Variants in VTA1 observed in about 807,000 individuals in gnomAD.
VTA1 encodes the protein vacuolar protein sorting-associated protein VTA1 homolog.
A neutral mutation model predicts 36.9 loss-of-function variants in VTA1; 24 were observed. The observed-to-expected ratio is 0.65, with a 90% confidence interval of 0.47 to 0.91. The LOEUF is 0.91. Among genes scored for constraint, VTA1 ranks in the 40% least tolerant of loss-of-function variants. The pLI is 0.00. For synonymous variants in VTA1, 142 were observed against 130.2 expected (o/e 1.09, Z -0.62); for missense variants, 393 against 377.2 (o/e 1.04, Z -0.35).
chr6:142,223,149 A>G lies in VTA1; in HGVS notation c.*4506A>G, dbSNP rs1388244448. On this transcript the variant is annotated 3_prime_UTR_variant, in exon 8 of 8. Coordinates refer to ENST00000367630, the MANE Select transcript of VTA1 (RefSeq NM_016485.5). Reference sequence around the variant, plus strand: ...TAAATTTTTCTATTATCTGGGCCATATGTTCCAATTGACAGTGCTAGGCAG... The same window carrying G: ...TAAATTTTTCTATTATCTGGGCCATGTGTTCCAATTGACAGTGCTAGGCAG... 6.6e-6 allele frequency: 1 copy of G among 152,200 alleles called. No homozygotes were observed. Among genetic ancestry groups the G allele is most frequent in the Non-Finnish European group, 1.5e-5 (1 of 68,032 alleles). The allele number at this position is 152,200 out of a possible 1,614,324, so 9.4% of individuals were successfully genotyped here.
In VTA1 at chr6:142,220,529, C is replaced by T. The variant is rs1362612087; in HGVS notation, c.*1886C>T. 6.6e-6 allele frequency: 1 copy of T among 152,150 alleles called. No homozygotes were observed. Among genetic ancestry groups the T allele is most frequent in the Non-Finnish European group, 1.5e-5 (1 of 68,022 alleles). The allele number at this position is 152,150 out of a possible 1,614,324, so 9.4% of individuals were successfully genotyped here. On this transcript the variant is annotated 3_prime_UTR_variant, in exon 8 of 8. Coordinates refer to ENST00000367630, the MANE Select transcript of VTA1 (RefSeq NM_016485.5). ...ATAGTTACAAGAATTAAAAGAGATA[C>T]AGTACCTGAAGTGCTTAGCGCATGG...
At chr6:142,179,088 A>G (rs1425381195) in intron 4 of VTA1, among the ~76,000 whole-genome samples, 1 of 152,102 alleles carries the variant, frequency 6.6e-6, no homozygotes, top group Non-Finnish European at 1.5e-5. Flanking sequence ...AACTATATGA[A>G]ACAAAAATCA....
chr6:142,223,114 T>C lies in VTA1; in HGVS notation c.*4471T>C, dbSNP rs1776139904. On this transcript the variant is annotated 3_prime_UTR_variant, in exon 8 of 8. Coordinates refer to ENST00000367630, the MANE Select transcript of VTA1 (RefSeq NM_016485.5). Reference sequence around the variant, plus strand: ...TGGACAGTTCCTTTTATTAGTGAGGTGTTAGCACCTAAATTTTTCTATTAT... The same window carrying C: ...TGGACAGTTCCTTTTATTAGTGAGGCGTTAGCACCTAAATTTTTCTATTAT... 6.6e-6 allele frequency: 1 copy of C among 152,186 alleles called. No individual in the cohort carries two copies. The highest frequency in any genetic ancestry group is 2.4e-5 in the African/African-American group (1 of 41,434). The allele number at this position is 152,186 out of a possible 1,614,324, so 9.4% of individuals were successfully genotyped here.
intron 6 of VTA1, among the ~76,000 whole-genome samples, chr6:142,202,448 T>C (rs1227271107): frequency 2.6e-5 from 4 of 152,004 alleles, no homozygotes; most frequent in Non-Finnish European, 4.4e-5. Context: ...CAGTAATGGA[T>C]TGCTTTATAA....
intron 7 of VTA1, among the ~76,000 whole-genome samples, chr6:142,210,168 A>T (rs1208773925): frequency 6.6e-6 from 1 of 152,226 alleles, no homozygotes; most frequent in Non-Finnish European, 1.5e-5. Context: ...CAATGGGGAA[A>T]GGACAATTTT....
intron 2 of VTA1, among the ~76,000 whole-genome samples, chr6:142,168,674 G>A (rs907682283): frequency 6.6e-6 from 1 of 150,728 alleles, no homozygotes; most frequent in Non-Finnish European, 1.5e-5. Flanking sequence ...TTCTGAGTTT[G>A]TCATCTTATA....
In VTA1 at chr6:142,223,305, A is replaced by G. The variant is rs1187058490; in HGVS notation, c.*4662A>G. ...CTAAGCAGGGTTTGAGTAATGCTAC[A>G]ATGGATTTATAGGTCATTTTGGAGA... On this transcript the variant is annotated 3_prime_UTR_variant, in exon 8 of 8. Coordinates refer to ENST00000367630, the MANE Select transcript of VTA1 (RefSeq NM_016485.5). The G allele has an allele frequency of 6.6e-6, 1 of 152,162 alleles. No homozygotes were observed. Among genetic ancestry groups the G allele is most frequent in the Non-Finnish European group, 1.5e-5 (1 of 68,020 alleles). 9.4% of individuals were successfully genotyped at this position (152,162 alleles called of 1,614,324 possible). A position where few individuals can be genotyped will look rare whatever the true frequency, so the allele number is the denominator to read the frequency against.
chr6:142,168,354 G>A (rs979195522), intron 2 of VTA1, among the ~76,000 whole-genome samples: 5 of 151,886 alleles, frequency 3.3e-5, no homozygotes, highest in East Asian at 3.9e-4. Context: ...TGGACCATAA[G>A]TTATTCTGTT....
chr6:142,188,938 TTAAAAAG>T (rs1285405009), intron 4 of VTA1, among the ~76,000 whole-genome samples: 1 of 152,202 alleles, frequency 6.6e-6, no homozygotes, highest in African/African-American at 2.4e-5. Context: ...ATGTGACTAG[TTAAAAAG>T]TCAGGTTTAC....
chr6:142,162,643 C>T (rs1039643526), intron 1 of VTA1, among the ~76,000 whole-genome samples: 20 of 152,070 alleles, frequency 1.3e-4, no homozygotes, highest in Non-Finnish European at 4.4e-5. Flanking sequence ...TCAGTTTCTG[C>T]TGCTTGGATG....
intron 1 of VTA1, among the ~76,000 whole-genome samples, chr6:142,151,230 G>T (rs141849721): frequency 6.6e-5 from 10 of 152,326 alleles, no homozygotes; most frequent in African/African-American, 2.2e-4. Flanking sequence ...GGACAGGGAT[G>T]TGGAGGGACC....
chr6:142,181,662 T>G lies in VTA1; in HGVS notation c.412-7764T>G, dbSNP rs1582889560. ...GGTTTCTTTTCTTACCCCAGTAGAT[T>G]AAGTATTAAACAGTTACCGACCTTA... On this transcript the variant is annotated intron_variant, in intron 4 of 7. Coordinates refer to ENST00000367630, the MANE Select transcript of VTA1 (RefSeq NM_016485.5). Among the ~76,000 whole-genome samples, 3 of 151,930 alleles carry G rather than the reference T, an allele frequency of 2.0e-5. No individual in the cohort carries two copies. In the South Asian group the frequency reaches 6.2e-4, roughly 32 times the overall value.
At chr6:142,150,913 C>CA (rs776386647) in intron 1 of VTA1, among the ~76,000 whole-genome samples, 1,669 of 103,004 alleles carry the variant, frequency 0.016, 17 homozygotes, top group Middle Eastern at 0.057. Context: ...ACTCCATCTC[C>CA]AAAAAAAAAA....
In VTA1 at chr6:142,222,000, G is replaced by A. The variant is rs2114696535; in HGVS notation, c.*3357G>A. 6.6e-6 allele frequency: 1 copy of A among 151,814 alleles called. No homozygotes were observed. The highest frequency in any genetic ancestry group is 6.6e-5 in the Admixed American group (1 of 15,230). 9.4% of individuals were successfully genotyped at this position (151,814 alleles called of 1,614,324 possible). A position where few individuals can be genotyped will look rare whatever the true frequency, so the allele number is the denominator to read the frequency against. ...AAAAAAAAAGTATTACAATAATCAA[G>A]GTGAGATATTATGATGTCTTAGTCC... On this transcript the variant is annotated 3_prime_UTR_variant, in exon 8 of 8. Coordinates refer to ENST00000367630, the MANE Select transcript of VTA1 (RefSeq NM_016485.5).
chr6:142,166,154 A>T, intron 1 of VTA1, 74 bp from the exon 2 acceptor site: 1 of 914,552 alleles, frequency 1.1e-6, no homozygotes, highest in Non-Finnish European at 1.6e-6. Context: ...TTTATTAGCA[A>T]TTATATTTTA....
At chr6:142,212,457 G>A (rs577564882) in intron 7 of VTA1, among the ~76,000 whole-genome samples, 3 of 152,152 alleles carry the variant, frequency 2.0e-5, no homozygotes, top group African/African-American at 4.8e-5. Flanking sequence ...GTGACATTCC[G>A]AAAAAGGCAA....
chr6:142,176,522 C>G (rs978432496), intron 4 of VTA1, among the ~76,000 whole-genome samples: 5 of 151,506 alleles, frequency 3.3e-5, no homozygotes, highest in Non-Finnish European at 7.4e-5. Context: ...AACTGAGGGT[C>G]AGAAAAATAT....
intron 4 of VTA1, among the ~76,000 whole-genome samples, chr6:142,171,966 A>G (rs1342266188): frequency 6.6e-6 from 1 of 152,236 alleles, no homozygotes; most frequent in Non-Finnish European, 1.5e-5. Flanking sequence ...GGGTTTTGCC[A>G]GCATGAAAGT....
chr6:142,172,117 T>TC (rs1209179616), intron 4 of VTA1, among the ~76,000 whole-genome samples: 1 of 152,106 alleles, frequency 6.6e-6, no homozygotes, highest in Non-Finnish European at 1.5e-5. Flanking sequence ...TTCAAGTGAT[T>TC]CCCCTGCCTC....
Sources: allele counts gnomAD v4.1 joint callset (sites outside exome capture counted in the v4.1 genomes callset), GRCh38; gene constraint gnomAD v4.1.1; transcripts MANE v1.5; gene names NCBI Gene and HGNC (gene_info 2026-07-23, HGNC 2026-07-21).